The following RBFOX1 variants were observed in gnomAD, a reference collection of about 807,000 sequenced individuals.
RBFOX1 encodes the protein RNA binding protein fox-1 homolog 1.
A neutral mutation model predicts 57.7 loss-of-function variants in RBFOX1; 8 were observed. That is an observed-to-expected ratio of 0.14 (90% CI 0.08 to 0.25). RBFOX1 has a LOEUF of 0.25. Ranked by LOEUF, RBFOX1 falls within the 10% of genes least tolerant of loss-of-function variation. The probability of loss-of-function intolerance (pLI) is 1.00; values close to 1 mark genes in which losing one functional copy is unlikely to be tolerated. For missense variants in RBFOX1, 611 were observed against 548.5 expected (o/e 1.11, Z -1.14); for synonymous variants, 326 against 222.4 (o/e 1.47, Z -4.15).
At chr16:5,767,185 G>A (rs1865813) in intron 3 of RBFOX1, among the ~76,000 whole-genome samples, 69,498 of 151,784 alleles carry the variant, frequency 0.46, 16,556 homozygotes, top group East Asian at 0.61. Context: ...GGATAGCTTG[G>A]TAGAAATACC....
intron 1 of RBFOX1, among the ~76,000 whole-genome samples, chr16:6,204,950 C>G (rs1271131579): frequency 2.0e-5 from 3 of 152,158 alleles, no homozygotes; most frequent in Non-Finnish European, 4.4e-5. Context: ...TCAAAGCTAA[C>G]TCTGCAGTAG....
chr16:6,321,364 C>G (rs2152787031), intron 2 of RBFOX1, among the ~76,000 whole-genome samples: 1 of 152,232 alleles, frequency 6.6e-6, no homozygotes, highest in East Asian at 1.9e-4. Flanking sequence ...CGTCCTTGTA[C>G]CTAGGCTGAT....
At chr16:7,344,487 A>G (rs1344078358) in intron 4 of RBFOX1, among the ~76,000 whole-genome samples, 2 of 150,686 alleles carry the variant, frequency 1.3e-5, no homozygotes, top group Admixed American at 1.3e-4. Flanking sequence ...ATAATGCCAT[A>G]TAGTTATAGG....
At chr16:6,245,084 T>TC (rs1163817626) in intron 1 of RBFOX1, among the ~76,000 whole-genome samples, 1 of 152,172 alleles carries the variant, frequency 6.6e-6, no homozygotes. Flanking sequence ...AGCTATATCT[T>TC]CCCTGGGATG....
At chr16:5,464,863 G>A (rs1215430332) in intron 1 of RBFOX1, among the ~76,000 whole-genome samples, 4 of 152,186 alleles carry the variant, frequency 2.6e-5, no homozygotes, top group African/African-American at 9.7e-5. Context: ...CACAGGGTGT[G>A]GCTCTAGGAG....
intron 4 of RBFOX1, among the ~76,000 whole-genome samples, chr16:7,496,828 C>A (rs1355122149): frequency 6.6e-6 from 1 of 150,400 alleles, no homozygotes; most frequent in African/African-American, 2.4e-5. Context: ...TCACTAGAAT[C>A]CTATTTAAAT....
intron 2 of RBFOX1, among the ~76,000 whole-genome samples, chr16:6,457,438 T>TC (rs60318595): frequency 0.022 from 1,212 of 54,234 alleles, 116 homozygotes; most frequent in South Asian, 0.038. Context: ...TTTCCGGAAG[T>TC]CCCCCCCCCC....
intron 1 of RBFOX1, among the ~76,000 whole-genome samples, chr16:5,331,521 A>G (rs1440536761): frequency 6.6e-6 from 1 of 152,238 alleles, no homozygotes; most frequent in Admixed American, 6.5e-5. Flanking sequence ...TAGCCCAGGC[A>G]TGTCCTTCTT....
chr16:7,298,435 C>G (rs751120184), intron 4 of RBFOX1, among the ~76,000 whole-genome samples: 4 of 151,934 alleles, frequency 2.6e-5, no homozygotes, highest in Non-Finnish European at 5.9e-5. Context: ...ACTACAGATG[C>G]GTGCGACTAT....
intron 4 of RBFOX1, among the ~76,000 whole-genome samples, chr16:7,505,932 T>A (rs1035012971): frequency 1.1e-4 from 16 of 152,136 alleles, no homozygotes; most frequent in African/African-American, 3.9e-4. Flanking sequence ...ATGCCTGTAA[T>A]CCGAGCACTT....
chr16:6,122,607 C>A (rs77298525), intron 1 of RBFOX1, among the ~76,000 whole-genome samples: 1 of 152,136 alleles, frequency 6.6e-6, no homozygotes, highest in African/African-American at 2.4e-5. Context: ...GTGTGACACC[C>A]GCTCCCCATT....
At chr16:5,722,752 C>G (rs1211565354) in intron 3 of RBFOX1, among the ~76,000 whole-genome samples, 1 of 152,170 alleles carries the variant, frequency 6.6e-6, no homozygotes, top group Admixed American at 6.5e-5. Context: ...TGTAATATTC[C>G]CTGCCTGGCT....
chr16:6,874,872 T>C lies in RBFOX1; in HGVS notation c.-15-177185T>C, dbSNP rs140884001. On this transcript the variant is annotated intron_variant, in intron 3 of 15. Coordinates refer to ENST00000550418, the MANE Select transcript of RBFOX1 (RefSeq NM_018723.4). ...AAATGACACCCAATGAACTTACCCATGTAAGGAACATTACCTGTTCCCACA... is the reference window on the plus strand; with the variant it reads ...AAATGACACCCAATGAACTTACCCACGTAAGGAACATTACCTGTTCCCACA... Among the ~76,000 whole-genome samples the C allele has an allele frequency of 4.9e-4, 75 of 152,290 alleles. 1 individual carries two copies. Among genetic ancestry groups the C allele is most frequent in the African/African-American group, 1.8e-3 (73 of 41,560 alleles).
intron 4 of RBFOX1, among the ~76,000 whole-genome samples, chr16:7,213,571 C>G (rs1277477576): frequency 2.0e-5 from 3 of 149,920 alleles, no homozygotes; most frequent in Non-Finnish European, 3.0e-5. Flanking sequence ...AAAAAAAACA[C>G]AAACAAGGTG....
chr16:6,837,856 C>G (rs755876443), intron 3 of RBFOX1, among the ~76,000 whole-genome samples: 2 of 151,982 alleles, frequency 1.3e-5, no homozygotes, highest in African/African-American at 4.8e-5. Context: ...TGAAGACTGG[C>G]GGAAACTGAG....
At chr16:5,862,386 G>A (rs1489279686) in intron 3 of RBFOX1, among the ~76,000 whole-genome samples, 1 of 152,114 alleles carries the variant, frequency 6.6e-6, no homozygotes. Context: ...TTGAGGGAGG[G>A]GTGTGATTAT....
chr16:7,486,956 G>C (rs2065564888), intron 4 of RBFOX1, among the ~76,000 whole-genome samples: 1 of 152,154 alleles, frequency 6.6e-6, no homozygotes, highest in African/African-American at 2.4e-5. Flanking sequence ...CTGGAGTACA[G>C]TGGCACAATC....
At chr16:6,479,824 C>T (rs1213263643) in intron 2 of RBFOX1, among the ~76,000 whole-genome samples, 3 of 151,906 alleles carry the variant, frequency 2.0e-5, no homozygotes, top group African/African-American at 4.8e-5. Flanking sequence ...CCGAGGCAGG[C>T]AGATCATTTG....
chr16:6,015,396 C>T (rs1459866880), upstream of RBFOX1, among the ~76,000 whole-genome samples: 1 of 152,044 alleles, frequency 6.6e-6, no homozygotes, highest in Non-Finnish European at 1.5e-5. Context: ...AGAGTGAAGC[C>T]CAGAGCACTG....
Sources: allele counts gnomAD v4.1 joint callset (sites outside exome capture counted in the v4.1 genomes callset), GRCh38; gene constraint gnomAD v4.1.1; transcripts MANE v1.5; gene names NCBI Gene and HGNC (gene_info 2026-07-23, HGNC 2026-07-21).